HLF: variants seen among roughly 807,000 people sequenced by gnomAD.
HLF encodes the protein hepatic leukemia factor.
Under a neutral mutation model 22.6 loss-of-function variants are expected in HLF, and 3 were observed. That is an observed-to-expected ratio of 0.13 (90% CI 0.06 to 0.34). The LOEUF is 0.34. HLF is among the 10% of genes least tolerant of loss of function. The probability of loss-of-function intolerance (pLI) is 1.00; values close to 1 mark genes in which losing one functional copy is unlikely to be tolerated. For synonymous variants in HLF, 151 were observed against 151.8 expected, an observed-to-expected ratio of 0.99 and a Z score of 0.04; for missense variants, 299 against 389.2, an observed-to-expected ratio of 0.77 and a Z score of 1.95.
At chr17:55,308,350 C>A (rs994885771) in intron 2 of HLF, among the ~76,000 whole-genome samples, 2 of 152,170 alleles carry the variant, frequency 1.3e-5, no homozygotes, top group Admixed American at 1.3e-4. Flanking sequence ...TATATAGAGA[C>A]CATTTATTGC....
At chr17:55,292,531 T>C (rs1239578115) in intron 2 of HLF, among the ~76,000 whole-genome samples, 1 of 152,204 alleles carries the variant, frequency 6.6e-6, no homozygotes, top group Non-Finnish European at 1.5e-5. Flanking sequence ...TAAACATAAA[T>C]TTTATATGCA....
At chr17:55,281,372 G>A (rs9901966) in intron 2 of HLF, among the ~76,000 whole-genome samples, 157 of 152,240 alleles carry the variant, frequency 1.0e-3, no homozygotes, top group African/African-American at 3.1e-3. Context: ...AATTAGCCAG[G>A]CGTGGTAGCA....
chr17:55,290,572 G>C (rs2081052200), intron 2 of HLF, among the ~76,000 whole-genome samples: 1 of 152,144 alleles, frequency 6.6e-6, no homozygotes, highest in Non-Finnish European at 1.5e-5. Flanking sequence ...TCTTCTGACT[G>C]CTTCACCAAC....
At position 55,265,434 on chromosome 17, in the gene HLF, T is replaced by G; in HGVS notation, c.-51T>G. On this transcript the variant is annotated 5_prime_UTR_variant, in exon 1 of 4. Coordinates refer to ENST00000226067, the MANE Select transcript of HLF (RefSeq NM_002126.5). ...GCTCAGCAACATTTTAGGGGGCGGTTGTTTCTTTCTTATTTCTTTTTTTAA... is the reference window on the plus strand; with the variant it reads ...GCTCAGCAACATTTTAGGGGGCGGTGGTTTCTTTCTTATTTCTTTTTTTAA... The G allele has an allele frequency of 9.2e-7, 1 of 1,085,422 alleles. No individual in the cohort carries two copies. Among genetic ancestry groups the G allele is most frequent in the Non-Finnish European group, 1.3e-6 (1 of 756,244 alleles). 67.2% of individuals were successfully genotyped at this position (1,085,422 alleles called of 1,614,324 possible).
intron 2 of HLF, among the ~76,000 whole-genome samples, chr17:55,289,309 C>T (rs1382774366): frequency 5.9e-5 from 9 of 152,292 alleles, no homozygotes; most frequent in African/African-American, 1.9e-4. Context: ...TTCACTGACT[C>T]AAGAGTTGGA....
At chr17:55,294,013 G>T (rs1255546055) in intron 2 of HLF, among the ~76,000 whole-genome samples, 2 of 150,226 alleles carry the variant, frequency 1.3e-5, no homozygotes, top group African/African-American at 5.0e-5. Context: ...TTACTTTTAA[G>T]TCATGAGGGA....
intron 2 of HLF, among the ~76,000 whole-genome samples, chr17:55,280,517 G>A (rs1438921617): frequency 6.6e-6 from 1 of 152,202 alleles, no homozygotes; most frequent in Non-Finnish European, 1.5e-5. Flanking sequence ...GAGTGGGTAA[G>A]GGTGAAAGGG....
chr17:55,315,404 T>C lies in HLF; in HGVS notation c.629T>C (p.Met210Thr). 6.2e-7 allele frequency: 1 copy of C among 1,614,130 alleles called. No homozygotes were observed. Among genetic ancestry groups the C allele is most frequent in the Non-Finnish European group, 8.5e-7 (1 of 1,180,008 alleles). Residue 210 changes from methionine to threonine, a missense_variant, in exon 3 of 4, where the codon ATG (methionine) becomes ACG (threonine). Physicochemically the swap from Met to Thr is moderately conservative, Grantham distance 81. This residue lies in a region of HLF where 224 missense variants were observed against 298.1 expected (regional missense o/e 0.75). Coordinates refer to ENST00000226067, the MANE Select transcript of HLF (RefSeq NM_002126.5). ...GAGGAAGAACTGAAGCCACAGCCCATGATCAAGAAAGCTCGCAAAGTCTTC... is the reference window on the plus strand; with the variant it reads ...GAGGAAGAACTGAAGCCACAGCCCACGATCAAGAAAGCTCGCAAAGTCTTC... ...FSEEELKPQP[M>T]IKKARKVFIP...
At chr17:55,280,458 G>A (rs1307497799) in intron 2 of HLF, among the ~76,000 whole-genome samples, 3 of 152,200 alleles carry the variant, frequency 2.0e-5, no homozygotes, top group Admixed American at 2.0e-4. Flanking sequence ...ATCTCCATAT[G>A]CCCTGCTGTG....
chr17:55,306,360 T>G (rs1270084095), intron 2 of HLF, among the ~76,000 whole-genome samples: 1 of 152,240 alleles, frequency 6.6e-6, no homozygotes, highest in Non-Finnish European at 1.5e-5. Flanking sequence ...TTGAACTGGC[T>G]TAGCATCATG....
intron 2 of HLF, among the ~76,000 whole-genome samples, chr17:55,294,123 TAGA>T (rs1189759317): frequency 6.6e-6 from 1 of 152,096 alleles, no homozygotes; most frequent in East Asian, 1.9e-4. Flanking sequence ...GACAGCCTAG[TAGA>T]GGAGGATTGG....
chr17:55,295,212 G>A (rs1487313818), intron 2 of HLF, among the ~76,000 whole-genome samples: 1 of 152,206 alleles, frequency 6.6e-6, no homozygotes, highest in African/African-American at 2.4e-5. Context: ...GATGGGAGAT[G>A]ATCCTTGAGT....
rs1217641832 is a variant in HLF, at chr17:55,277,305, A to G, written c.451+9219A>G. ...CGCATGTGTACGTGGGCATGCGTGC[A>G]TTTGGGTTTGTGGGTGGGGGTGGGA... On this transcript the variant is annotated intron_variant, in intron 2 of 3. Transcript: ENST00000226067. 1.4e-4 allele frequency among the ~76,000 whole-genome samples: 11 copies of G among 78,508 alleles called. 1 individual carries two copies. Among genetic ancestry groups the G allele is most frequent in the Non-Finnish European group, 2.3e-4 (10 of 42,718 alleles). 51.5% of individuals were successfully genotyped at this position (78,508 alleles called of 152,430 possible).
intron 2 of HLF, among the ~76,000 whole-genome samples, chr17:55,292,538 T>C (rs997488138): frequency 5.3e-5 from 8 of 152,154 alleles, no homozygotes; most frequent in Admixed American, 2.0e-4. Flanking sequence ...AAATTTTATA[T>C]GCACTGGGAA....
At chr17:55,273,287 G>T (rs1223973441) in intron 2 of HLF, among the ~76,000 whole-genome samples, 1 of 152,160 alleles carries the variant, frequency 6.6e-6, no homozygotes, top group African/African-American at 2.4e-5. Flanking sequence ...TTTTGGCAGG[G>T]TTAAATAAGA....
At chr17:55,317,529 A>G (rs545003941) in intron 3 of HLF, among the ~76,000 whole-genome samples, 1 of 152,202 alleles carries the variant, frequency 6.6e-6, no homozygotes, top group Non-Finnish European at 1.5e-5. Context: ...GTCAGGCCTG[A>G]CCTTTCCACA....
intron 2 of HLF, among the ~76,000 whole-genome samples, chr17:55,297,017 C>T (rs533854075): frequency 3.3e-5 from 5 of 152,186 alleles, no homozygotes; most frequent in Admixed American, 2.6e-4. Context: ...AATTAGGAGA[C>T]GCAGCTCCCA....
At chr17:55,306,064 A>G (rs530890302) in intron 2 of HLF, among the ~76,000 whole-genome samples, 1 of 152,286 alleles carries the variant, frequency 6.6e-6, no homozygotes, top group South Asian at 2.1e-4. Flanking sequence ...TACTATCAGT[A>G]TTACTGATAT....
At chr17:55,282,903 A>G (rs3829577) in intron 2 of HLF, among the ~76,000 whole-genome samples, 81,603 of 151,952 alleles carry the variant, frequency 0.54, 22,304 homozygotes, top group Middle Eastern at 0.66. Context: ...AAAAGCAAAA[A>G]ACATTTGACA....
Sources: gnomAD v4.1 joint callset for allele counts (sites outside exome capture counted in the v4.1 genomes callset) on GRCh38, gnomAD v4.1.1 for gene constraint, gnomAD v4.1.1 regional missense constraint, MANE v1.5 for transcripts, NCBI Gene and HGNC (gene_info 2026-07-23, HGNC 2026-07-21) for gene names.